Variants in ATP13A3 observed in about 807,000 individuals in gnomAD.
ATP13A3 encodes the protein ATPase 13A3.
Under a neutral mutation model 158.1 loss-of-function variants are expected in ATP13A3, and 59 were observed. That is an observed-to-expected ratio of 0.37 (90% CI 0.30 to 0.46). The LOEUF (loss-of-function observed/expected upper bound fraction) is 0.46. ATP13A3 is among the 20% of genes least tolerant of loss of function. The pLI is 1.00. For missense variants in ATP13A3, 1,166 were observed against 1,525.2 expected (o/e 0.76, Z 3.92); for synonymous variants, 491 against 504.3 (o/e 0.97, Z 0.35).
intron 30 of ATP13A3, chr3:194,420,202 C>A: frequency 4.3e-6 from 1 of 230,374 alleles, no homozygotes; most frequent in Non-Finnish European, 8.1e-6. Context: ...TAACTTTAAC[C>A]GTGAAAGTCC....
Position 194,448,692 on chromosome 3 carries a change from C to G in ATP13A3, c.971-56G>C. The G allele has an allele frequency of 6.5e-7, 1 of 1,544,966 alleles. No individual in the cohort carries two copies. The highest frequency in any genetic ancestry group is 8.8e-7 in the Non-Finnish European group (1 of 1,136,404). On this transcript the variant is annotated intron_variant, in intron 11 of 33. Transcript: ENST00000645319. The surrounding 1 kb of genome is among the most constrained non-coding windows in gnomAD (Gnocchi z 4.0). ...GTTTACAAATTATTAAACGAAAGCA[C>G]AGGAATCAGTATCGAACACCAAAAA...
chr3:194,431,180 A>AT lies in ATP13A3; in HGVS notation c.2467dup (p.Met823AsnfsTer26). 6.2e-7 allele frequency: 1 copy of AT among 1,613,762 alleles called. No individual in the cohort carries two copies. On this transcript the variant is annotated frameshift_variant, in exon 23 of 34. Coordinates refer to ENST00000645319, the MANE Select transcript of ATP13A3 (RefSeq NM_001367549.1). LOFTEE classifies it high-confidence loss of function. Reference sequence around the variant, plus strand: ...ATTCATTGCAAAATGATAACGAGTCATTTGAAGATCCTCTAAGCTATCATG... The same window carrying AT: ...ATTCATTGCAAAATGATAACGAGTCATTTTGAAGATCCTCTAAGCTATCATG...
chr3:194,440,424 C>T (rs577930670), intron 16 of ATP13A3, among the ~76,000 whole-genome samples: 8 of 152,134 alleles, frequency 5.3e-5, no homozygotes, highest in East Asian at 1.9e-4. Flanking sequence ...AGGAAAGCAA[C>T]GGAGAGGCTA....
chr3:194,492,541 G>A (rs1023115583), intron 2 of ATP13A3, among the ~76,000 whole-genome samples: 23 of 150,128 alleles, frequency 1.5e-4, no homozygotes, highest in African/African-American at 5.4e-4. Context: ...TGCAACCTCC[G>A]CCTCCTGGGT....
chr3:194,438,989 G>C lies in ATP13A3; in HGVS notation c.1711-17C>G. On this transcript the variant is annotated splice_polypyrimidine_tract_variant and intron_variant, in intron 16 of 33. Transcript: ENST00000645319. ...TTCCAGAATCTGGAAAAAAAAAAGAGACAAAAAAAAACAAAAACACAACAT... is the reference window on the plus strand; with the variant it reads ...TTCCAGAATCTGGAAAAAAAAAAGACACAAAAAAAAACAAAAACACAACAT... The C allele has an allele frequency of 6.8e-7, 1 of 1,470,546 alleles. No homozygotes were observed. Among genetic ancestry groups the C allele is most frequent in the Non-Finnish European group, 9.2e-7 (1 of 1,084,564 alleles). 91.1% of individuals were successfully genotyped at this position (1,470,546 alleles called of 1,614,324 possible). A position where few individuals can be genotyped will look rare whatever the true frequency, so the allele number is the denominator to read the frequency against.
intron 10 of ATP13A3, chr3:194,452,069 T>C (rs570706744): frequency 2.0e-5 from 3 of 152,454 alleles, no homozygotes; most frequent in Admixed American, 6.5e-5. Flanking sequence ...AACCCTTCAA[T>C]GGTGGCTATG....
intron 30 of ATP13A3, 50 bp downstream of exon 30, chr3:194,425,292 A>G (rs117299962): frequency 1.4e-6 from 2 of 1,466,736 alleles, no homozygotes; most frequent in South Asian, 1.2e-5. Flanking sequence ...CTTCTACATT[A>G]GTTTTAAAGG....
intron 30 of ATP13A3, among the ~76,000 whole-genome samples, chr3:194,424,035 T>C (rs1716578893): frequency 6.6e-6 from 1 of 151,982 alleles, no homozygotes; most frequent in Non-Finnish European, 1.5e-5. Context: ...GAATAAAATG[T>C]ATACCAATGC....
chr3:194,453,102 C>T (rs1039844161), intron 10 of ATP13A3: 7 of 151,830 alleles, frequency 4.6e-5, no homozygotes, highest in African/African-American at 1.7e-4. Context: ...CTCTTGAGCC[C>T]AGGAATTCAA....
At chr3:194,420,098 A>C in intron 30 of ATP13A3, 131 bp from the exon 31 acceptor site, 1 of 1,019,668 alleles carries the variant, frequency 9.8e-7, no homozygotes, top group South Asian at 2.1e-5. Flanking sequence ...TGATGGAATA[A>C]AGTATGTGCT....
intron 2 of ATP13A3, among the ~76,000 whole-genome samples, chr3:194,474,303 C>T (rs1720433047): frequency 6.6e-6 from 1 of 152,078 alleles, no homozygotes; most frequent in African/African-American, 2.4e-5. Flanking sequence ...CAGGCCTGAG[C>T]CACCACACCT....
intron 2 of ATP13A3, among the ~76,000 whole-genome samples, chr3:194,471,466 G>C (rs1201157044): frequency 6.6e-6 from 1 of 151,888 alleles, no homozygotes; most frequent in Non-Finnish European, 1.5e-5. Context: ...CAATTCTCTT[G>C]CCTCGGCCTC....
At chr3:194,426,355 TTAAAA>T (rs1232215880) in intron 29 of ATP13A3, among the ~76,000 whole-genome samples, 3 of 152,356 alleles carry the variant, frequency 2.0e-5, no homozygotes, top group East Asian at 1.9e-4. Context: ...GTTTAATTAA[TTAAAA>T]TGTTATAATT....
intron 20 of ATP13A3, among the ~76,000 whole-genome samples, chr3:194,436,374 G>C (rs1717638424): frequency 6.6e-6 from 1 of 152,170 alleles, no homozygotes; most frequent in Admixed American, 6.5e-5. Flanking sequence ...GAAGTGGAGT[G>C]GGAGGAGCTT....
At chr3:194,436,058 A>T (rs1717614562) in intron 20 of ATP13A3, among the ~76,000 whole-genome samples, 2 of 152,216 alleles carry the variant, frequency 1.3e-5, no homozygotes. Flanking sequence ...GAATTAGGAT[A>T]TAATATTATA....
chr3:194,424,170 A>G (rs1239937881), intron 30 of ATP13A3, among the ~76,000 whole-genome samples: 1 of 151,876 alleles, frequency 6.6e-6, no homozygotes, highest in Non-Finnish European at 1.5e-5. Context: ...TCTTAGTAAC[A>G]TAGTTATTAG....
At chr3:194,417,396 GACACAC>G (rs56119734) in intron 31 of ATP13A3, among the ~76,000 whole-genome samples, 2,167 of 118,128 alleles carry the variant, frequency 0.018, 30 homozygotes, top group African/African-American at 0.031. Context: ...GCCAGATTCT[GACACAC>G]ACACACACAC....
At chr3:194,477,097 T>G (rs1225744856) in intron 2 of ATP13A3, among the ~76,000 whole-genome samples, 2 of 152,218 alleles carry the variant, frequency 1.3e-5, no homozygotes, top group Admixed American at 1.3e-4. Flanking sequence ...GTTCCCTGAC[T>G]CCACTTCTTT....
rs1577015783 is a variant in ATP13A3, at chr3:194,405,492, C to T, written c.*427G>A. ...TAATTAACACTCATCTTCTTTTTAT[C>T]AATCACAAACTTACAGCCTGTATAT... On this transcript the variant is annotated 3_prime_UTR_variant, in exon 34 of 34. Transcript: ENST00000645319. 1.3e-5 allele frequency: 2 copies of T among 157,550 alleles called. No homozygotes were observed. Among genetic ancestry groups the T allele is most frequent in the Admixed American group, 6.2e-5 (1 of 16,186 alleles). 9.8% of individuals were successfully genotyped at this position (157,550 alleles called of 1,614,324 possible). A position where few individuals can be genotyped will look rare whatever the true frequency, so the allele number is the denominator to read the frequency against.
Sources: gnomAD v4.1 joint callset for allele counts (sites outside exome capture counted in the v4.1 genomes callset) on GRCh38, gnomAD v4.1.1 for gene constraint, Gnocchi (gnomAD v3.1) non-coding constraint, MANE v1.5 for transcripts, NCBI Gene and HGNC (gene_info 2026-07-23, HGNC 2026-07-21) for gene names.